The following REDIC1 variants were observed in gnomAD, a reference collection of about 807,000 sequenced individuals.
REDIC1 encodes regulator of DNA class I crossover intermediates 1, also known as HEI10 Interacting Protein 1.
the REDIC1 span, among the ~76,000 whole-genome samples, chr12:39,777,848 C>CCAAG: frequency 6.6e-6 from 1 of 152,194 alleles, no homozygotes; most frequent in African/African-American, 2.4e-5. Flanking sequence ...CACTCATTCT[C>CCAAG]CAAGTCCACG....
chr12:39,628,158 G>C, the REDIC1 span, among the ~76,000 whole-genome samples: 5 of 152,134 alleles, frequency 3.3e-5, no homozygotes, highest in Non-Finnish European at 7.4e-5. Context: ...CAATTTGTGT[G>C]ATCAACTTTC....
At chr12:39,630,560 A>G in the REDIC1 span, among the ~76,000 whole-genome samples, 1 of 152,296 alleles carries the variant, frequency 6.6e-6, no homozygotes, top group Admixed American at 6.5e-5. Context: ...ATAAGGTTGT[A>G]GTGTATTGGG....
At chr12:39,824,734 A>C in the REDIC1 span, among the ~76,000 whole-genome samples, 1 of 152,146 alleles carries the variant, frequency 6.6e-6, no homozygotes, top group African/African-American at 2.4e-5. Context: ...AATGTCTCTC[A>C]TAGTATGCTA....
At chr12:39,685,312 G>A in the REDIC1 span, among the ~76,000 whole-genome samples, 10 of 152,274 alleles carry the variant, frequency 6.6e-5, no homozygotes, top group South Asian at 2.1e-4. Context: ...CATGATGCTG[G>A]CATCTGATTG....
the REDIC1 span, among the ~76,000 whole-genome samples, chr12:39,889,294 T>G: frequency 6.6e-6 from 1 of 152,084 alleles, no homozygotes; most frequent in African/African-American, 2.4e-5. Context: ...TTAAAATGTA[T>G]TTTTAATTAT....
chr12:39,712,500 T>A, the REDIC1 span, among the ~76,000 whole-genome samples: 2 of 142,060 alleles, frequency 1.4e-5, no homozygotes, highest in African/African-American at 2.6e-5. Flanking sequence ...ATACGACGTA[T>A]ATACGTATGT....
At chr12:39,738,740 T>G in the REDIC1 span, among the ~76,000 whole-genome samples, 2 of 152,214 alleles carry the variant, frequency 1.3e-5, no homozygotes, top group Non-Finnish European at 2.9e-5. Flanking sequence ...TGAGATCAGA[T>G]TCAATGGTTA....
At chr12:39,847,490 TG>T in the REDIC1 span, among the ~76,000 whole-genome samples, 1 of 152,148 alleles carries the variant, frequency 6.6e-6, no homozygotes, top group African/African-American at 2.4e-5. Context: ...CTGATTCAGC[TG>T]GGAAGAGCTG....
the REDIC1 span, among the ~76,000 whole-genome samples, chr12:39,704,264 T>C: frequency 1.3e-5 from 2 of 151,638 alleles, no homozygotes; most frequent in South Asian, 2.1e-4. Flanking sequence ...GGGCAAAGGA[T>C]ATGAACAGAC....
chr12:39,781,443 A>G, the REDIC1 span, among the ~76,000 whole-genome samples: 1 of 152,148 alleles, frequency 6.6e-6, no homozygotes, highest in African/African-American at 2.4e-5. Context: ...CATTGTCACC[A>G]CTATGCCCCA....
At chr12:39,773,572 A>G in the REDIC1 span, among the ~76,000 whole-genome samples, 1 of 152,244 alleles carries the variant, frequency 6.6e-6, no homozygotes, top group Admixed American at 6.5e-5. Flanking sequence ...CCTAAGAAAT[A>G]ACCAAAGGAA....
the REDIC1 span, among the ~76,000 whole-genome samples, chr12:39,719,500 G>A: frequency 3.3e-5 from 5 of 152,094 alleles, no homozygotes; most frequent in South Asian, 8.3e-4. Context: ...TATGGTCCCA[G>A]TTACTGGAGA....
the REDIC1 span, among the ~76,000 whole-genome samples, chr12:39,702,184 G>T: frequency 6.6e-6 from 1 of 152,086 alleles, no homozygotes; most frequent in East Asian, 1.9e-4. Context: ...AAAATTGGTA[G>T]ACCTAGCAAG....
chr12:39,700,846 A>G, the REDIC1 span, among the ~76,000 whole-genome samples: 1 of 152,142 alleles, frequency 6.6e-6, no homozygotes, highest in Non-Finnish European at 1.5e-5. Flanking sequence ...AAGCTTCATA[A>G]GTGAAGGAGA....
chr12:39,741,746 T>C, the REDIC1 span, among the ~76,000 whole-genome samples: 4 of 152,158 alleles, frequency 2.6e-5, no homozygotes, highest in Non-Finnish European at 4.4e-5. Context: ...TGGGGGCTTA[T>C]AGGTTATAGG....
the REDIC1 span, chr12:39,646,282 T>C: frequency 1.6e-6 from 1 of 626,924 alleles, no homozygotes; most frequent in East Asian, 4.0e-5. Context: ...ACTTTTACAA[T>C]TTTTTATTCT....
At chr12:39,661,178 G>A in the REDIC1 span, among the ~76,000 whole-genome samples, 1 of 152,076 alleles carries the variant, frequency 6.6e-6, no homozygotes, top group African/African-American at 2.4e-5. Context: ...AGCCAGTAAT[G>A]AGGTTGCTGG....
chr12:39,884,303 C>T, the REDIC1 span, among the ~76,000 whole-genome samples: 2 of 152,086 alleles, frequency 1.3e-5, no homozygotes, highest in Non-Finnish European at 2.9e-5. Flanking sequence ...GTTAAACAGA[C>T]GTGAAATTAT....
chr12:39,822,833 C>T, the REDIC1 span, among the ~76,000 whole-genome samples: 4 of 152,126 alleles, frequency 2.6e-5, no homozygotes, highest in Non-Finnish European at 4.4e-5. Context: ...TTATGAATAT[C>T]GCTACTTGGA....
Sources: allele counts gnomAD v4.1 joint callset (sites outside exome capture counted in the v4.1 genomes callset), GRCh38; gene constraint gnomAD v4.1.1; transcripts MANE v1.5; gene names NCBI Gene and HGNC (gene_info 2026-07-23, HGNC 2026-07-21).